EGF: variants seen among roughly 807,000 people sequenced by gnomAD.
EGF encodes epidermal growth factor.
Under a neutral mutation model 143.8 loss-of-function variants are expected in EGF, and 95 were observed. The ratio of observed to expected loss-of-function variants is 0.66; its 90% CI spans 0.56 to 0.78. The LOEUF is 0.78. Ranked by LOEUF, EGF falls within the 30% of genes least tolerant of loss-of-function variation. The pLI is 0.00. For synonymous variants in EGF, 510 were observed against 510.5 expected (o/e 1.00, Z 0.01); for missense variants, 1,320 against 1,470.9 (o/e 0.90, Z 1.68).
At chr4:110,005,706 T>C (rs1753189512) in intron 22 of EGF, among the ~76,000 whole-genome samples, 1 of 152,236 alleles carries the variant, frequency 6.6e-6, no homozygotes, top group African/African-American at 2.4e-5. Flanking sequence ...TTTCCATTTC[T>C]AGAAACCTGT....
At chr4:109,981,017 C>T (rs764354904) in intron 15 of EGF, 42 bp downstream of exon 15, 16 of 1,611,536 alleles carry the variant, frequency 9.9e-6, no homozygotes, top group Middle Eastern at 1.7e-4. Context: ...AACGTTGGCT[C>T]AGAAATACAG....
chr4:109,914,829 A>T lies in EGF; in HGVS notation c.127+1367A>T, dbSNP rs11568860. Among the ~76,000 whole-genome samples the T allele has an allele frequency of 2.6e-3, 394 of 152,338 alleles. 1 individual carries two copies. The highest frequency in any genetic ancestry group is 9.1e-3 in the African/African-American group (379 of 41,578). ...TAAAACTTCTGTATACAGTTATGTCAAATGGACTGGACTCTCTTTGGGGTG... is the reference window on the plus strand; with the variant it reads ...TAAAACTTCTGTATACAGTTATGTCTAATGGACTGGACTCTCTTTGGGGTG... On this transcript the variant is annotated intron_variant, in intron 1 of 23. Coordinates refer to ENST00000265171, the MANE Select transcript of EGF (RefSeq NM_001963.6).
chr4:110,007,805 G>A (rs566702728), intron 22 of EGF, among the ~76,000 whole-genome samples: 3 of 152,146 alleles, frequency 2.0e-5, no homozygotes, highest in African/African-American at 7.2e-5. Context: ...GATATTATTT[G>A]CCTGGCCTAT....
intron 1 of EGF, among the ~76,000 whole-genome samples, chr4:109,921,439 A>G (rs1737768228): frequency 6.6e-6 from 1 of 151,450 alleles, no homozygotes; most frequent in Admixed American, 6.6e-5. Context: ...TGGGTTTCCC[A>G]AGTATTTCCC....
chr4:109,933,556 A>G (rs1043293147), intron 1 of EGF, among the ~76,000 whole-genome samples: 1 of 151,846 alleles, frequency 6.6e-6, no homozygotes, highest in South Asian at 2.1e-4. Flanking sequence ...ATTTCTCCCA[A>G]CGCTATCCCT....
chr4:109,954,851 C>T (rs901176983), intron 5 of EGF, among the ~76,000 whole-genome samples: 1 of 152,156 alleles, frequency 6.6e-6, no homozygotes. Flanking sequence ...CTTAACAAGG[C>T]ACTATTTCCT....
chr4:109,945,118 T>C lies in EGF; in HGVS notation c.783T>C (p.Tyr261=), dbSNP rs1290322990. The change falls in exon 5 of 24, where the codon TAT becomes TAC. Residue 261 remains tyrosine (Y), a synonymous_variant. Transcript: ENST00000265171. The part of the protein sequence containing the change: ...AMSLFGDRIF[Y]STWKMKTIWI... Reference sequence around the variant, plus strand: ...CCCTTTTTGGTGACCGTATCTTCTATTCAACATGGAAAATGAAGACAATTT... The same window carrying C: ...CCCTTTTTGGTGACCGTATCTTCTACTCAACATGGAAAATGAAGACAATTT... 1 of 1,614,206 alleles carries C rather than the reference T, an allele frequency of 6.2e-7. No individual in the cohort carries two copies. The highest frequency in any genetic ancestry group is 8.5e-7 in the Non-Finnish European group (1 of 1,180,038).
chr4:109,951,675 T>A (rs1743951303), intron 5 of EGF, among the ~76,000 whole-genome samples: 1 of 152,204 alleles, frequency 6.6e-6, no homozygotes, highest in South Asian at 2.1e-4. Flanking sequence ...TAGTGTAATA[T>A]TATAAATTAA....
At chr4:109,993,452 A>T in intron 19 of EGF, 83 bp downstream of exon 19, 3 of 1,578,478 alleles carry the variant, frequency 1.9e-6, no homozygotes, top group Non-Finnish European at 2.6e-6. Flanking sequence ...TGCATTAGAG[A>T]TTCTAAAAAT....
At chr4:109,947,984 C>G (rs1205931369) in intron 5 of EGF, among the ~76,000 whole-genome samples, 2 of 152,332 alleles carry the variant, frequency 1.3e-5, no homozygotes, top group East Asian at 3.9e-4. Context: ...ATCAATCTCT[C>G]AGTTTAGTAT....
Position 109,974,710 on chromosome 4 carries a change from C to G in EGF, c.1732C>G (p.Leu578Val). 1 of 1,612,348 alleles carries G rather than the reference C, an allele frequency of 6.2e-7. No homozygotes were observed. Among genetic ancestry groups the G allele is most frequent in the South Asian group, 1.1e-5 (1 of 91,042 alleles). Residue 578 changes from leucine (L) to valine (V), a missense_variant, in exon 12 of 24, where the codon CTG (leucine) becomes GTG (valine). By Grantham distance (32) the Leu-to-Val change is conservative. Around this residue, in one of 5 missense-constraint regions of EGF, gnomAD observed 1,186 missense variants for 1,313.7 expected, o/e 0.90. Transcript: ENST00000265171. ...ATTTTGCACATATTTTAGGAAATCT[C>G]TGATTGGAAGGAGTGATTTAAATGG... is the stretch of plus-strand genomic sequence containing the variant. The part of the protein sequence containing the change: ...RFYWTDRGKS[L>V]IGRSDLNGKR...
At chr4:109,982,953 A>G (rs1210651004) in intron 15 of EGF, among the ~76,000 whole-genome samples, 1 of 152,172 alleles carries the variant, frequency 6.6e-6, no homozygotes, top group Non-Finnish European at 1.5e-5. Flanking sequence ...TTATGCCTGT[A>G]TTAAATCATG....
At position 109,967,169 on chromosome 4, in the gene EGF, G is replaced by A. The variant is rs553321872; in HGVS notation, c.1576-1802G>A. On this transcript the variant is annotated intron_variant, in intron 10 of 23. Coordinates refer to ENST00000265171, the MANE Select transcript of EGF (RefSeq NM_001963.6). ...TAGTTCTTCTTCTAGGATTTTTATAGTTTCAGGCTTACACCTAAGTGTTTG... is the reference window on the plus strand; with the variant it reads ...TAGTTCTTCTTCTAGGATTTTTATAATTTCAGGCTTACACCTAAGTGTTTG... Among the ~76,000 whole-genome samples, 9 of 152,226 alleles carry A rather than the reference G, an allele frequency of 5.9e-5. No individual in the cohort carries two copies. In the South Asian group the frequency reaches 8.3e-4, roughly 14 times the overall value.
At chr4:109,984,773 G>A (rs949495571) in intron 16 of EGF, among the ~76,000 whole-genome samples, 1 of 152,304 alleles carries the variant, frequency 6.6e-6, no homozygotes, top group South Asian at 2.1e-4. Flanking sequence ...TATTAAGTTA[G>A]TGACTTGACC....
chr4:109,927,129 T>C (rs1047965680), intron 1 of EGF, among the ~76,000 whole-genome samples: 2 of 152,248 alleles, frequency 1.3e-5, no homozygotes, highest in Non-Finnish European at 2.9e-5. Flanking sequence ...GCTGGTCTAA[T>C]TCAACAAAAT....
rs750786419 is a variant in EGF at position 110,011,214 on chromosome 4, C to A, written c.3383C>A (p.Pro1128Gln). The change falls in exon 24 of 24, where the codon CCA becomes CAA. Residue 1128 changes from proline to glutamine, a missense_variant. Physicochemically the swap from Pro to Gln is moderately conservative, Grantham distance 76. Coordinates refer to ENST00000265171, the MANE Select transcript of EGF (RefSeq NM_001963.6). ...DGQAADGSMQ[P>Q]TSWRQEPQLC... is the part of the protein sequence containing the mutation. ...GTCTTTCATATAGGGTCAATGCAAC[C>A]AACTTCATGGAGGCAGGAGCCCCAG... 3.1e-6 allele frequency: 5 copies of A among 1,613,780 alleles called. No individual in the cohort carries two copies. In the Admixed American group the frequency reaches 5.0e-5, roughly 16 times the overall value.
At chr4:109,967,680 C>T (rs1272689243) in intron 10 of EGF, among the ~76,000 whole-genome samples, 1 of 152,088 alleles carries the variant, frequency 6.6e-6, no homozygotes, top group East Asian at 1.9e-4. Flanking sequence ...AGGCTGCATA[C>T]TAGACTGTAA....
chr4:109,953,034 G>A (rs1744197966), intron 5 of EGF, among the ~76,000 whole-genome samples: 1 of 152,054 alleles, frequency 6.6e-6, no homozygotes, highest in Non-Finnish European at 1.5e-5. Flanking sequence ...TTATATCCCC[G>A]TGTGTCATTT....
At chr4:109,944,149 G>T in intron 4 of EGF, 80 bp downstream of exon 4, 1 of 1,429,276 alleles carries the variant, frequency 7.0e-7, no homozygotes, top group Non-Finnish European at 9.7e-7. Flanking sequence ...TTTGTCAATG[G>T]AACTGGTATA....
Sources: allele counts gnomAD v4.1 joint callset (sites outside exome capture counted in the v4.1 genomes callset), GRCh38; gene constraint gnomAD v4.1.1; regional missense constraint gnomAD v4.1.1; transcripts MANE v1.5; gene names NCBI Gene and HGNC (gene_info 2026-07-23, HGNC 2026-07-21).